The following C21orf58 variants were observed in gnomAD, a reference collection of about 807,000 sequenced individuals.
The protein encoded by C21orf58 is uncharacterized protein C21orf58.
Under a neutral mutation model 35.8 loss-of-function variants are expected in C21orf58, and 34 were observed. The ratio of observed to expected loss-of-function variants is 0.95; its 90% CI spans 0.72 to 1.26. C21orf58 has a LOEUF of 1.26. Among genes scored for constraint, C21orf58 ranks in the 50% most tolerant of loss-of-function variants. The pLI is 0.00. For synonymous variants in C21orf58, 191 were observed against 175.8 expected, an observed-to-expected ratio of 1.09 and a Z score of -0.68; for missense variants, 440 against 414.3, an observed-to-expected ratio of 1.06 and a Z score of -0.54.
At position 46,301,366 on chromosome 21, in the gene C21orf58, C is replaced by T. The variant is rs1016934540; in HGVS notation, c.*633G>A. The stretch of plus-strand genomic sequence containing the variant: ...CTTGCTATGTGACCCAGGCTGGTCT[C>T]GAATTCCTGAGCTCAAGTGATCCTC... On this transcript the variant is annotated 3_prime_UTR_variant, in exon 8 of 8. Coordinates refer to ENST00000291691, the MANE Select transcript of C21orf58 (RefSeq NM_058180.5). The T allele has an allele frequency of 1.8e-5, 11 of 597,180 alleles. No homozygotes were observed. Among genetic ancestry groups the T allele is most frequent in the Non-Finnish European group, 2.3e-5 (11 of 475,694 alleles). 37.0% of individuals were successfully genotyped at this position (597,180 alleles called of 1,614,324 possible). A position where few individuals can be genotyped will look rare whatever the true frequency, so the allele number is the denominator to read the frequency against.
At chr21:46,307,404 T>C (rs1227852633) in intron 6 of C21orf58, among the ~76,000 whole-genome samples, 1 of 152,098 alleles carries the variant, frequency 6.6e-6, no homozygotes, top group Non-Finnish European at 1.5e-5. Context: ...TACCTCGGTA[T>C]GCTTTTTAGA....
Position 46,322,678 on chromosome 21 carries a change from T to A in C21orf58, c.61A>T (p.Lys21Ter), listed in dbSNP as rs756427760. The change falls in exon 1 of 8, where the codon AAA becomes TAA. Residue 21 changes from lysine (K) to a stop codon, truncating the protein, a stop_gained. Transcript: ENST00000291691. LOFTEE classifies it high-confidence loss of function. ...LRKPWKLDRQ[K>*]LPSPDSGHSL... ...TGGCCTGAGTCAGGAGAAGGAAGTT[T>A]CTGGCGGTCGAGCTTCCACGGCTTC... 6.3e-7 allele frequency: 1 copy of A among 1,590,646 alleles called. No homozygotes were observed. Among genetic ancestry groups the A allele is most frequent in the Non-Finnish European group, 8.6e-7 (1 of 1,168,076 alleles).
At chr21:46,315,415 A>C in intron 4 of C21orf58, 59 bp downstream of exon 4, 1 of 1,065,554 alleles carries the variant, frequency 9.4e-7, no homozygotes, top group Non-Finnish European at 1.5e-6. Flanking sequence ...CTTAAGGCTG[A>C]GCAGCTATCT....
At chr21:46,318,630 G>T in intron 1 of C21orf58, 1 of 1,096,206 alleles carries the variant, frequency 9.1e-7, no homozygotes, top group Non-Finnish European at 1.1e-6. Context: ...AAGACAGGGT[G>T]GGGAGACACT....
intron 6 of C21orf58, among the ~76,000 whole-genome samples, chr21:46,308,041 T>C (rs2082500375): frequency 6.6e-6 from 1 of 152,014 alleles, no homozygotes; most frequent in Admixed American, 6.5e-5. Flanking sequence ...TCACCCAGGC[T>C]GGAGTACAAA....
At chr21:46,313,621 A>AC (rs1259694509) in intron 5 of C21orf58, among the ~76,000 whole-genome samples, 2 of 151,580 alleles carry the variant, frequency 1.3e-5, no homozygotes, top group Non-Finnish European at 2.9e-5. Context: ...CACAGCAATG[A>AC]CCCCCCGTAC....
intron 5 of C21orf58, chr21:46,313,023 C>T (rs1040360725): frequency 1.0e-6 from 1 of 985,338 alleles, no homozygotes; most frequent in African/African-American, 1.7e-5. Context: ...GCTGCCTGGC[C>T]TTGTCCCTTC....
At chr21:46,304,978 C>T (rs977890075) in intron 6 of C21orf58, among the ~76,000 whole-genome samples, 1 of 152,198 alleles carries the variant, frequency 6.6e-6, no homozygotes, top group African/African-American at 2.4e-5. Flanking sequence ...TGTGGCTCCA[C>T]TCACAGGACA....
At chr21:46,310,196 G>A (rs1489563767) in intron 6 of C21orf58, among the ~76,000 whole-genome samples, 1 of 152,026 alleles carries the variant, frequency 6.6e-6, no homozygotes, top group Non-Finnish European at 1.5e-5. Context: ...AACTTGTCAA[G>A]CCAGGTGTGG....
At chr21:46,302,724 C>T (rs1439053051) in intron 6 of C21orf58, 148 bp from the exon 7 acceptor site, 9 of 641,432 alleles carry the variant, frequency 1.4e-5, no homozygotes, top group Admixed American at 7.9e-5. Context: ...GCACACGGTG[C>T]GGGTCCCCGG....
In C21orf58 at chr21:46,314,785, G is replaced by A. The variant is rs368939440; in HGVS notation, c.540C>T (p.Pro180=). The A allele has an allele frequency of 2.0e-6, 3 of 1,529,926 alleles. No individual in the cohort carries two copies. The African/African-American group carries it at 4.1e-5, about 21-fold the overall frequency. 94.8% of individuals were successfully genotyped at this position (1,529,926 alleles called of 1,614,324 possible). ...LGSALPPELP[P]TGILPTASPS... is the part of the protein sequence containing the mutation. The stretch of plus-strand genomic sequence containing the variant: ...GGGAGGCAGTGGGTAGGATGCCCGT[G>A]GGGGGCAGCTCTGGGGGCAGGGCTG... Residue 180 remains proline (P), a synonymous_variant, in exon 5 of 8, where the codon CCC becomes CCT. Transcript: ENST00000291691.
intron 6 of C21orf58, among the ~76,000 whole-genome samples, chr21:46,305,751 A>T (rs2082387831): frequency 6.6e-6 from 1 of 151,184 alleles, no homozygotes; most frequent in Non-Finnish European, 1.5e-5. Context: ...CATCCTGGCT[A>T]ACACGGTGAA....
intron 3 of C21orf58, among the ~76,000 whole-genome samples, chr21:46,316,086 G>T (rs1242949842): frequency 1.3e-5 from 2 of 152,026 alleles, no homozygotes; most frequent in Non-Finnish European, 2.9e-5. Flanking sequence ...GAGGTCGGGG[G>T]TGCAGTGAAT....
intron 5 of C21orf58, among the ~76,000 whole-genome samples, chr21:46,312,472 C>T (rs1038110575): frequency 7.9e-5 from 12 of 152,176 alleles, no homozygotes; most frequent in African/African-American, 2.4e-4. Flanking sequence ...GCGCCTGCCA[C>T]CACGCCCGGC....
intron 1 of C21orf58, among the ~76,000 whole-genome samples, chr21:46,321,600 A>G (rs532479247): frequency 6.6e-6 from 1 of 152,246 alleles, no homozygotes; most frequent in South Asian, 2.1e-4. Context: ...AAATGTGTCT[A>G]TTATCTCCTG....
intron 1 of C21orf58, among the ~76,000 whole-genome samples, chr21:46,320,012 G>A (rs2083102199): frequency 6.6e-6 from 1 of 152,202 alleles, no homozygotes; most frequent in Non-Finnish European, 1.5e-5. Flanking sequence ...AGCTCTGAGT[G>A]TGCACAGAAC....
At chr21:46,318,544 G>A (rs1050667877) in intron 1 of C21orf58, 6 of 1,244,838 alleles carry the variant, frequency 4.8e-6, no homozygotes, top group Non-Finnish European at 6.1e-6. Context: ...CTGTGTGTCA[G>A]GGGAGGGCGC....
At chr21:46,317,767 C>T (rs1480974239) in intron 2 of C21orf58, among the ~76,000 whole-genome samples, 1 of 152,218 alleles carries the variant, frequency 6.6e-6, no homozygotes, top group Non-Finnish European at 1.5e-5. Context: ...AGAGGTGCCC[C>T]CAGGCACCGA....
At chr21:46,315,360 C>T in intron 4 of C21orf58, 114 bp downstream of exon 4, 1 of 728,826 alleles carries the variant, frequency 1.4e-6, no homozygotes, top group South Asian at 1.6e-5. Flanking sequence ...GGGCCTGGCC[C>T]TGAGAGTCTG....
Sources: allele counts gnomAD v4.1 joint callset (sites outside exome capture counted in the v4.1 genomes callset), GRCh38; gene constraint gnomAD v4.1.1; transcripts MANE v1.5; gene names NCBI Gene and HGNC (gene_info 2026-07-23, HGNC 2026-07-21).